The following ARHGAP39 variants were observed in gnomAD, a reference collection of about 807,000 sequenced individuals.
ARHGAP39 encodes the protein rho GTPase-activating protein 39.
Under a neutral mutation model 106.9 loss-of-function variants are expected in ARHGAP39, and 44 were observed. The ratio of observed to expected loss-of-function variants is 0.41; its 90% CI spans 0.32 to 0.53. The LOEUF (loss-of-function observed/expected upper bound fraction) is 0.53, where lower values mean the gene tolerates loss of function less well. Among genes scored for constraint, ARHGAP39 ranks in the 20% least tolerant of loss-of-function variants. ARHGAP39 has a pLI of 0.21. For synonymous variants in ARHGAP39, 768 were observed against 693.2 expected, an observed-to-expected ratio of 1.11 and a Z score of -1.69; for missense variants, 1,496 against 1,577.3, an observed-to-expected ratio of 0.95 and a Z score of 0.87.
At chr8:144,640,137 A>G (rs1361294679) in intron 1 of ARHGAP39, among the ~76,000 whole-genome samples, 4 of 152,192 alleles carry the variant, frequency 2.6e-5, no homozygotes, top group Admixed American at 1.3e-4. Flanking sequence ...TAGAAGCTCC[A>G]TGACACCAGG....
chr8:144,646,960 T>C lies in ARHGAP39; in HGVS notation c.-82+38726A>G, dbSNP rs2130993297. ...ACAGCTGGAGGCATCTGCTCTGCTCTGACCATTTTTTTTTTTTTTTTTTTT... is the reference window on the plus strand; with the variant it reads ...ACAGCTGGAGGCATCTGCTCTGCTCCGACCATTTTTTTTTTTTTTTTTTTT... On this transcript the variant is annotated intron_variant, in intron 1 of 11. Transcript: ENST00000377307. This position sits in a 1 kb window ranked among gnomAD's most constrained non-coding sequence, Gnocchi z 5.7. 6.7e-6 allele frequency among the ~76,000 whole-genome samples: 1 copy of C among 149,252 alleles called. No homozygotes were observed. Among genetic ancestry groups the C allele is most frequent in the African/African-American group, 2.5e-5 (1 of 40,810 alleles).
At chr8:144,542,220 G>A (rs531301907) in intron 6 of ARHGAP39, among the ~76,000 whole-genome samples, 22 of 152,218 alleles carry the variant, frequency 1.4e-4, no homozygotes, top group Non-Finnish European at 2.6e-4. Context: ...CGATGTCTGT[G>A]TCGAGAACCT....
chr8:144,546,095 G>C (rs544865736), intron 5 of ARHGAP39, among the ~76,000 whole-genome samples: 1 of 152,194 alleles, frequency 6.6e-6, no homozygotes, highest in African/African-American at 2.4e-5. Flanking sequence ...GCGGGAGGAA[G>C]GGGAGCATCC....
chr8:144,615,975 C>T (rs562178985), intron 1 of ARHGAP39, among the ~76,000 whole-genome samples: 9 of 152,328 alleles, frequency 5.9e-5, no homozygotes, highest in African/African-American at 1.9e-4. Flanking sequence ...ATGGAATGGA[C>T]TTGGGAGGTC....
rs982074373 is a variant in ARHGAP39, at chr8:144,529,560, G to A, written c.*862C>T. The A allele has an allele frequency of 6.6e-6, 1 of 152,134 alleles. No homozygotes were observed. Among genetic ancestry groups the A allele is most frequent in the African/African-American group, 2.4e-5 (1 of 41,408 alleles). 9.4% of individuals were successfully genotyped at this position (152,134 alleles called of 1,614,324 possible). A position where few individuals can be genotyped will look rare whatever the true frequency, so the allele number is the denominator to read the frequency against. Reference sequence around the variant, plus strand: ...AGCTTGGTTTTTGGTCAGAAGCCAAGAAAAAAGATCGGAGAAGAAAAGAAG... The same window carrying A: ...AGCTTGGTTTTTGGTCAGAAGCCAAAAAAAAAGATCGGAGAAGAAAAGAAG... On this transcript the variant is annotated 3_prime_UTR_variant, in exon 12 of 12. Coordinates refer to ENST00000377307, the MANE Select transcript of ARHGAP39 (RefSeq NM_025251.3).
chr8:144,589,783 A>T lies in ARHGAP39; in HGVS notation c.81-8506T>A, dbSNP rs554895743. Among the ~76,000 whole-genome samples, 3 of 152,356 alleles carry T rather than the reference A, an allele frequency of 2.0e-5. 1 individual carries two copies. In the South Asian group the frequency reaches 6.2e-4, roughly 32 times the overall value. The stretch of plus-strand genomic sequence containing the variant: ...CTCCCACGACTCTGCCTCTGGTGTG[A>T]ATCAGCAGCCCTGGGCACAGCCCAG... On this transcript the variant is annotated intron_variant, in intron 2 of 11. Coordinates refer to ENST00000377307, the MANE Select transcript of ARHGAP39 (RefSeq NM_025251.3).
At chr8:144,694,539 G>A in the ARHGAP39 span, among the ~76,000 whole-genome samples, 3 of 152,186 alleles carry the variant, frequency 2.0e-5, no homozygotes, top group South Asian at 4.1e-4. Flanking sequence ...GTGTGTTAAC[G>A]CCGTTCCCCC....
upstream of ARHGAP39, among the ~76,000 whole-genome samples, chr8:144,686,910 G>A (rs1248522442): frequency 6.9e-6 from 1 of 145,664 alleles, no homozygotes; most frequent in Non-Finnish European, 1.5e-5. Context: ...TCCCACCCCC[G>A]TGACCACACA....
chr8:144,678,100 AGC>A (rs1822289438), intron 1 of ARHGAP39, among the ~76,000 whole-genome samples: 1 of 152,154 alleles, frequency 6.6e-6, no homozygotes, highest in South Asian at 2.1e-4. Flanking sequence ...TGCAATCTGC[AGC>A]AAGACATTCA....
At chr8:144,603,301 CTG>C (rs376743469) in intron 2 of ARHGAP39, among the ~76,000 whole-genome samples, 111 of 150,770 alleles carry the variant, frequency 7.4e-4, no homozygotes, top group African/African-American at 1.4e-3. Context: ...GCTCGTGTAT[CTG>C]TGTGTGTGCG....
intron 1 of ARHGAP39, among the ~76,000 whole-genome samples, chr8:144,621,692 T>C (rs1168289426): frequency 3.3e-5 from 5 of 152,094 alleles, no homozygotes; most frequent in Admixed American, 3.3e-4. Context: ...GTGGTGCACA[T>C]CCATAGTCCC....
intron 6 of ARHGAP39, among the ~76,000 whole-genome samples, chr8:144,544,326 C>T (rs927648220): frequency 6.6e-6 from 1 of 152,228 alleles, no homozygotes; most frequent in African/African-American, 2.4e-5. Flanking sequence ...GGAGCCACCT[C>T]CTCCACACCT....
intron 3 of ARHGAP39, among the ~76,000 whole-genome samples, chr8:144,561,403 C>T (rs868078349): frequency 1.2e-4 from 18 of 147,756 alleles, no homozygotes; most frequent in Non-Finnish European, 1.5e-4. Flanking sequence ...TGGTGTCCAT[C>T]ACACTCCAGT....
At chr8:144,656,390 G>A (rs1821697839) in intron 1 of ARHGAP39, among the ~76,000 whole-genome samples, 1 of 152,070 alleles carries the variant, frequency 6.6e-6, no homozygotes, top group Non-Finnish European at 1.5e-5. Context: ...GATTAAGAGG[G>A]TCAATTCATC....
At chr8:144,654,685 C>G (rs1037778587) in intron 1 of ARHGAP39, among the ~76,000 whole-genome samples, 2 of 151,904 alleles carry the variant, frequency 1.3e-5, no homozygotes, top group African/African-American at 2.4e-5. Context: ...GAAGCTCCCC[C>G]TCATGCTGCT....
rs117580925 is a variant in ARHGAP39, at chr8:144,550,989, C to T, written c.597-2500G>A. On this transcript the variant is annotated intron_variant, in intron 4 of 11. Transcript: ENST00000377307. The stretch of plus-strand genomic sequence containing the variant: ...TTATGACGAAGATTCAACAAAACAA[C>T]GTGCATGTAGTAAGGCCCTGAGTTC... 2.7e-3 allele frequency among the ~76,000 whole-genome samples: 408 copies of T among 152,364 alleles called. 2 individuals are homozygous for T. Among genetic ancestry groups the T allele is most frequent in the Non-Finnish European group, 4.0e-3 (271 of 68,042 alleles).
At chr8:144,636,272 A>G (rs1344283169) in intron 1 of ARHGAP39, among the ~76,000 whole-genome samples, 1 of 152,214 alleles carries the variant, frequency 6.6e-6, no homozygotes, top group Admixed American at 6.5e-5. Context: ...GTGAGTGCAG[A>G]AGAAAAACTT....
intron 8 of ARHGAP39, 87 bp from the exon 9 acceptor site, chr8:144,533,412 G>A: frequency 7.5e-7 from 1 of 1,337,860 alleles, no homozygotes; most frequent in South Asian, 1.3e-5. Flanking sequence ...CCCGAACATA[G>A]GTGGGTGGCG....
At chr8:144,544,722 C>T (rs896300618) in intron 6 of ARHGAP39, among the ~76,000 whole-genome samples, 4 of 152,252 alleles carry the variant, frequency 2.6e-5, no homozygotes, top group Non-Finnish European at 4.4e-5. Flanking sequence ...CGTGCGACCC[C>T]ATGGGGCAGC....
Sources: allele counts gnomAD v4.1 joint callset (sites outside exome capture counted in the v4.1 genomes callset), GRCh38; gene constraint gnomAD v4.1.1; non-coding constraint Gnocchi (gnomAD v3.1); transcripts MANE v1.5; gene names NCBI Gene and HGNC (gene_info 2026-07-23, HGNC 2026-07-21).